The following PDE4D variants were observed in gnomAD, a reference collection of about 807,000 sequenced individuals.
PDE4D encodes the protein phosphodiesterase 4D.
PDE4D carries 24 observed loss-of-function variants against 87.4 expected under a neutral mutation model. The ratio of observed to expected loss-of-function variants is 0.27; its 90% CI spans 0.20 to 0.39. The LOEUF is 0.39. Among genes scored for constraint, PDE4D ranks in the 10% least tolerant of loss-of-function variants. The pLI is 1.00. For missense variants in PDE4D, 714 were observed against 1,041.0 expected (o/e 0.69, Z 4.32); for synonymous variants, 384 against 383.2 (o/e 1.00, Z -0.02).
At chr5:59,536,043 G>A (rs1031045216) in intron 1 of PDE4D, among the ~76,000 whole-genome samples, 4 of 152,156 alleles carry the variant, frequency 2.6e-5, no homozygotes, top group Non-Finnish European at 4.4e-5. Flanking sequence ...TTAAAGAATA[G>A]TGTCTGAAAT....
At chr5:59,122,270 C>T (rs957081999) in intron 5 of PDE4D, among the ~76,000 whole-genome samples, 8 of 151,334 alleles carry the variant, frequency 5.3e-5, no homozygotes, top group South Asian at 4.2e-4. Context: ...ATGGATGGAA[C>T]TGGAGATCTT....
chr5:59,611,847 A>G (rs1045706566), intron 1 of PDE4D, among the ~76,000 whole-genome samples: 2 of 152,184 alleles, frequency 1.3e-5, no homozygotes, highest in African/African-American at 4.8e-5. Context: ...TTTTGATAAT[A>G]TAGCAGCCAA....
At chr5:60,399,733 C>G (rs1740874004) in intron 1 of PDE4D, among the ~76,000 whole-genome samples, 1 of 152,258 alleles carries the variant, frequency 6.6e-6, no homozygotes, top group South Asian at 2.1e-4. Context: ...GCCGTGCCGG[C>G]CCCATGCCCA....
chr5:59,023,267 T>A (rs1339776928), intron 6 of PDE4D, among the ~76,000 whole-genome samples: 1 of 151,812 alleles, frequency 6.6e-6, no homozygotes, highest in African/African-American at 2.4e-5. Context: ...CAATACAACA[T>A]CCAGAAAATA....
At chr5:59,367,248 A>G (rs572423894) in intron 1 of PDE4D, among the ~76,000 whole-genome samples, 2 of 152,368 alleles carry the variant, frequency 1.3e-5, no homozygotes, top group South Asian at 4.1e-4. Flanking sequence ...GTTTAAAAGC[A>G]TATTATAAAA....
chr5:60,197,081 A>ATAGACAGACAGACAGT (rs1554183821), intron 1 of PDE4D, among the ~76,000 whole-genome samples: 2 of 126,898 alleles, frequency 1.6e-5, no homozygotes, highest in Non-Finnish European at 3.3e-5. Context: ...AGACAGTTAG[A>ATAGACAGACAGACAGT]TAGATAGATA....
At chr5:60,207,805 A>C (rs1742725193) in intron 1 of PDE4D, among the ~76,000 whole-genome samples, 1 of 152,222 alleles carries the variant, frequency 6.6e-6, no homozygotes, top group South Asian at 2.1e-4. Context: ...GTATTGAATC[A>C]ATCAATGGTC....
intron 1 of PDE4D, among the ~76,000 whole-genome samples, chr5:59,598,423 C>A (rs1035415687): frequency 6.6e-6 from 1 of 152,076 alleles, no homozygotes; most frequent in Non-Finnish European, 1.5e-5. Flanking sequence ...ATCCTCAGCA[C>A]GTTTTATTGA....
At chr5:59,129,201 G>A (rs971979300) in intron 5 of PDE4D, among the ~76,000 whole-genome samples, 1 of 152,164 alleles carries the variant, frequency 6.6e-6, no homozygotes, top group African/African-American at 2.4e-5. Flanking sequence ...CACAACTAGT[G>A]TAAAGGTTAT....
rs568631626 is a variant in PDE4D, at chr5:60,338,927, G to A, written c.-90+149015C>T. 3.5e-4 allele frequency among the ~76,000 whole-genome samples: 54 copies of A among 152,236 alleles called. 1 individual carries two copies. Among genetic ancestry groups the A allele is most frequent in the African/African-American group, 1.3e-3 (53 of 41,540 alleles). On this transcript the variant is annotated intron_variant, in intron 1 of 16. Transcript: ENST00000502484. ...CAGGGCATATGTTCCAGGACCCCCAGTGTAGGCCTGAAACTGCACTGATAG... is the reference window on the plus strand; with the variant it reads ...CAGGGCATATGTTCCAGGACCCCCAATGTAGGCCTGAAACTGCACTGATAG...
At position 59,760,400 on chromosome 5, in the gene PDE4D, A is replaced by G. The variant is rs1023246261; in HGVS notation, c.455+132768T>C. Reference sequence around the variant, plus strand: ...TACTAAGTACTTCTTCTACTGTTGGATATGTTTTAATTAAAAATACATATG... The same window carrying G: ...TACTAAGTACTTCTTCTACTGTTGGGTATGTTTTAATTAAAAATACATATG... On this transcript the variant is annotated intron_variant, in intron 1 of 14. Transcript: ENST00000340635. Among the ~76,000 whole-genome samples, 3 of 152,174 alleles carry G rather than the reference A, an allele frequency of 2.0e-5. No homozygotes were observed. The South Asian group carries it at 6.2e-4, about 31-fold the overall frequency.
At chr5:59,740,755 C>T (rs993166587) in intron 1 of PDE4D, among the ~76,000 whole-genome samples, 1 of 152,104 alleles carries the variant, frequency 6.6e-6, no homozygotes, top group African/African-American at 2.4e-5. Context: ...CTTTAGAGAT[C>T]AACTACCCAA....
At chr5:59,346,025 C>T (rs532843742) in intron 1 of PDE4D, among the ~76,000 whole-genome samples, 1 of 152,032 alleles carries the variant, frequency 6.6e-6, no homozygotes, top group African/African-American at 2.4e-5. Flanking sequence ...TGGTGCAATA[C>T]TAACAAAATG....
intron 1 of PDE4D, among the ~76,000 whole-genome samples, chr5:59,713,454 GT>G (rs1158058910): frequency 6.6e-6 from 1 of 152,156 alleles, no homozygotes; most frequent in East Asian, 1.9e-4. Context: ...TGTACCTATG[GT>G]TTGCACCTAC....
chr5:59,071,057 A>G (rs907158797), intron 5 of PDE4D, among the ~76,000 whole-genome samples: 1 of 152,184 alleles, frequency 6.6e-6, no homozygotes, highest in African/African-American at 2.4e-5. Flanking sequence ...TCTTTATTCC[A>G]TGCTCACTCT....
chr5:59,926,704 T>C (rs1446010004), intron 3 of PDE4D, among the ~76,000 whole-genome samples: 1 of 152,184 alleles, frequency 6.6e-6, no homozygotes, highest in African/African-American at 2.4e-5. Flanking sequence ...TTACAACTGA[T>C]ACTGCTGAAA....
intron 2 of PDE4D, among the ~76,000 whole-genome samples, chr5:59,195,133 T>G (rs887914138): frequency 2.6e-5 from 4 of 152,322 alleles, no homozygotes; most frequent in African/African-American, 4.8e-5. Context: ...CTACCCAGCC[T>G]CTAGAACTGT....
chr5:60,191,235 G>A (rs1785175292), intron 1 of PDE4D, among the ~76,000 whole-genome samples: 1 of 151,802 alleles, frequency 6.6e-6, no homozygotes, highest in African/African-American at 2.4e-5. Context: ...TTGTTTTATG[G>A]GTTTAATCTT....
chr5:59,426,532 A>G (rs1795237911), intron 1 of PDE4D, among the ~76,000 whole-genome samples: 1 of 152,108 alleles, frequency 6.6e-6, no homozygotes, highest in Admixed American at 6.6e-5. Context: ...ATCACCAGAA[A>G]GAGGGAGCAC....
Sources: allele counts gnomAD v4.1 joint callset (sites outside exome capture counted in the v4.1 genomes callset), GRCh38; gene constraint gnomAD v4.1.1; transcripts MANE v1.5; gene names NCBI Gene and HGNC (gene_info 2026-07-23, HGNC 2026-07-21).